Variants in CDYL2 observed in about 807,000 individuals in gnomAD.
CDYL2 encodes chromodomain Y-like protein 2.
Under a neutral mutation model 49.4 loss-of-function variants are expected in CDYL2, and 23 were observed. The observed-to-expected ratio is 0.47, with a 90% CI of 0.34 to 0.66. The LOEUF (loss-of-function observed/expected upper bound fraction) is 0.66, where lower values mean the gene tolerates loss of function less well. Among genes scored for constraint, CDYL2 ranks in the 30% least tolerant of loss-of-function variants. CDYL2 has a pLI of 0.01. For missense variants in CDYL2, 678 were observed against 656.4 expected (o/e 1.03, Z -0.36); for synonymous variants, 360 against 268.8 (o/e 1.34, Z -3.32).
At chr16:80,629,497 G>T (rs1253085393) in intron 3 of CDYL2, among the ~76,000 whole-genome samples, 2 of 152,224 alleles carry the variant, frequency 1.3e-5, no homozygotes, top group Non-Finnish European at 2.9e-5. Context: ...ATTGTGGGCT[G>T]AGGCCAAGGG....
At chr16:80,792,240 A>C (rs1056168306) in intron 1 of CDYL2, among the ~76,000 whole-genome samples, 1 of 152,206 alleles carries the variant, frequency 6.6e-6, no homozygotes, top group Non-Finnish European at 1.5e-5. Flanking sequence ...GCAATCATCC[A>C]TACAATCACT....
At chr16:80,705,352 G>C (rs576655440) in intron 1 of CDYL2, among the ~76,000 whole-genome samples, 1 of 152,246 alleles carries the variant, frequency 6.6e-6, no homozygotes, top group African/African-American at 2.4e-5. Context: ...GAAGAACTAT[G>C]AGCGATGCTA....
At chr16:80,688,615 AC>A (rs1726725215) in intron 1 of CDYL2, among the ~76,000 whole-genome samples, 1 of 152,216 alleles carries the variant, frequency 6.6e-6, no homozygotes, top group African/African-American at 2.4e-5. Flanking sequence ...TGGAATAACC[AC>A]AAAAAACTCA....
intron 1 of CDYL2, among the ~76,000 whole-genome samples, chr16:80,707,468 A>G (rs562358675): frequency 1.4e-3 from 216 of 152,302 alleles, no homozygotes; most frequent in Non-Finnish European, 2.2e-3. Flanking sequence ...CTCAAAAAAA[A>G]GAAAAGAAGA....
At chr16:80,796,334 G>C (rs535468792) in intron 1 of CDYL2, among the ~76,000 whole-genome samples, 1 of 152,246 alleles carries the variant, frequency 6.6e-6, no homozygotes, top group Admixed American at 6.5e-5. Context: ...ATCTACAAAA[G>C]ACCTTCACAG....
intron 1 of CDYL2, among the ~76,000 whole-genome samples, chr16:80,785,650 G>T (rs1240741531): frequency 6.6e-6 from 1 of 152,128 alleles, no homozygotes; most frequent in African/African-American, 2.4e-5. Flanking sequence ...AGCCCGCATA[G>T]CCAAGACAAT....
In CDYL2 at chr16:80,603,557, A is replaced by T. The variant is rs1906190925; in HGVS notation, c.*831T>A. 1 of 152,450 alleles carries T rather than the reference A, an allele frequency of 6.6e-6. No individual in the cohort carries two copies. The highest frequency in any genetic ancestry group is 2.4e-5 in the African/African-American group (1 of 41,422). 9.4% of individuals were successfully genotyped at this position (152,450 alleles called of 1,614,324 possible). A position where few individuals can be genotyped will look rare whatever the true frequency, so the allele number is the denominator to read the frequency against. On this transcript the variant is annotated 3_prime_UTR_variant, in exon 7 of 7. Coordinates refer to ENST00000570137, the MANE Select transcript of CDYL2 (RefSeq NM_152342.4). ...TCTAAACTTTATTTCTACATGGTTCATTGCTAGAATGCACCAAACGGCATG... is the reference window on the plus strand; with the variant it reads ...TCTAAACTTTATTTCTACATGGTTCTTTGCTAGAATGCACCAAACGGCATG...
chr16:80,671,653 T>C (rs1909513848), intron 2 of CDYL2, among the ~76,000 whole-genome samples: 1 of 152,234 alleles, frequency 6.6e-6, no homozygotes, highest in South Asian at 2.1e-4. Context: ...TACTTGAGCA[T>C]GCAGAGAAAA....
At chr16:80,712,251 G>T (rs1331425474) in intron 1 of CDYL2, among the ~76,000 whole-genome samples, 1 of 135,756 alleles carries the variant, frequency 7.4e-6, no homozygotes, top group Non-Finnish European at 1.6e-5. Context: ...TTAACTGAAT[G>T]CAATTAAATT....
intron 2 of CDYL2, among the ~76,000 whole-genome samples, chr16:80,662,312 A>G (rs1022267366): frequency 3.9e-5 from 6 of 152,176 alleles, no homozygotes; most frequent in African/African-American, 1.4e-4. Context: ...GAGACATCAG[A>G]ACACAGAAGG....
intron 1 of CDYL2, among the ~76,000 whole-genome samples, chr16:80,762,268 A>G (rs1597120895): frequency 1.3e-5 from 2 of 152,230 alleles, no homozygotes; most frequent in Admixed American, 6.5e-5. Context: ...GAACTTCAGA[A>G]GAGTCGCAGA....
intron 1 of CDYL2, among the ~76,000 whole-genome samples, chr16:80,706,168 T>A (rs1904397811): frequency 6.6e-6 from 1 of 152,224 alleles, no homozygotes; most frequent in Non-Finnish European, 1.5e-5. Flanking sequence ...CATCAAAAGC[T>A]ACTAAAAATT....
chr16:80,659,551 C>T (rs1908956687), intron 2 of CDYL2, among the ~76,000 whole-genome samples: 2 of 151,530 alleles, frequency 1.3e-5, no homozygotes, highest in Non-Finnish European at 2.9e-5. Context: ...ATAGTCTACA[C>T]TCAGATGGTA....
chr16:80,779,055 T>G (rs907075606), intron 1 of CDYL2, among the ~76,000 whole-genome samples: 1 of 151,816 alleles, frequency 6.6e-6, no homozygotes, highest in Non-Finnish European at 1.5e-5. Flanking sequence ...TATTTTGTCA[T>G]GAGGATAGCC....
chr16:80,666,301 T>C (rs1186982083), intron 2 of CDYL2, among the ~76,000 whole-genome samples: 1 of 152,160 alleles, frequency 6.6e-6, no homozygotes, highest in African/African-American at 2.4e-5. Context: ...TTACAATACT[T>C]CCTGTAACTG....
chr16:80,794,916 G>C (rs1907724770), intron 1 of CDYL2, among the ~76,000 whole-genome samples: 1 of 152,106 alleles, frequency 6.6e-6, no homozygotes, highest in Non-Finnish European at 1.5e-5. Context: ...TCCAGCCTCA[G>C]TGATAGTTTT....
chr16:80,726,706 C>T (rs569875247), intron 1 of CDYL2, among the ~76,000 whole-genome samples: 1 of 152,240 alleles, frequency 6.6e-6, no homozygotes, highest in Non-Finnish European at 1.5e-5. Context: ...AGGGTTGAAA[C>T]ATGGAATATA....
At chr16:80,748,105 G>T (rs189526594) in intron 1 of CDYL2, among the ~76,000 whole-genome samples, 1 of 147,684 alleles carries the variant, frequency 6.8e-6, no homozygotes, top group Non-Finnish European at 1.5e-5. Context: ...ACACTCACAG[G>T]TGATTCTGGG....
chr16:80,724,694 GA>G (rs1905109642), intron 1 of CDYL2, among the ~76,000 whole-genome samples: 1 of 152,138 alleles, frequency 6.6e-6, no homozygotes, highest in South Asian at 2.1e-4. Context: ...ATACAACATA[GA>G]TTTCTTTCTA....
Sources: gnomAD v4.1 joint callset for allele counts (sites outside exome capture counted in the v4.1 genomes callset) on GRCh38, gnomAD v4.1.1 for gene constraint, MANE v1.5 for transcripts, NCBI Gene and HGNC (gene_info 2026-07-23, HGNC 2026-07-21) for gene names.